ASB7: variants seen among roughly 807,000 people sequenced by gnomAD.
ASB7 encodes the protein ankyrin repeat and SOCS box containing 7.
Under a neutral mutation model 32.5 loss-of-function variants are expected in ASB7, and 4 were observed. The observed-to-expected ratio is 0.12, with a 90% confidence interval of 0.06 to 0.28. The LOEUF is 0.28. ASB7 is among the 10% of genes least tolerant of loss of function. ASB7 has a pLI of 1.00. For missense variants in ASB7, 181 were observed against 407.1 expected (o/e 0.44, Z 4.78); for synonymous variants, 172 against 155.6 (o/e 1.11, Z -0.78).
intron 2 of ASB7, among the ~76,000 whole-genome samples, chr15:100,606,934 C>T (rs554529659): frequency 6.6e-6 from 1 of 152,234 alleles, no homozygotes; most frequent in Non-Finnish European, 1.5e-5. Context: ...GCGGGCGGAT[C>T]ACAAGGTCAA....
At chr15:100,637,836 T>C (rs1341973513) in intron 5 of ASB7, among the ~76,000 whole-genome samples, 1 of 152,198 alleles carries the variant, frequency 6.6e-6, no homozygotes, top group Non-Finnish European at 1.5e-5. Context: ...ACAGATGAAA[T>C]GCAGAAGCAG....
intron 5 of ASB7, among the ~76,000 whole-genome samples, chr15:100,634,347 A>G (rs2039906667): frequency 6.6e-6 from 1 of 152,264 alleles, no homozygotes; most frequent in South Asian, 2.1e-4. Context: ...GTGAGGCTTT[A>G]ATGATCGGCA....
intron 4 of ASB7, among the ~76,000 whole-genome samples, chr15:100,626,557 G>A (rs889340189): frequency 6.6e-6 from 1 of 152,072 alleles, no homozygotes; most frequent in African/African-American, 2.4e-5. Flanking sequence ...TTTCACATAC[G>A]ACCCAGCAAG....
chr15:100,617,448 T>G (rs2039753314), intron 4 of ASB7, among the ~76,000 whole-genome samples: 1 of 152,194 alleles, frequency 6.6e-6, no homozygotes, highest in South Asian at 2.1e-4. Context: ...TGGGACCCTC[T>G]TGGGTCACGC....
At chr15:100,634,690 G>A (rs1319800993) in intron 5 of ASB7, among the ~76,000 whole-genome samples, 1 of 152,112 alleles carries the variant, frequency 6.6e-6, no homozygotes, top group Non-Finnish European at 1.5e-5. Flanking sequence ...TATTGTCCCC[G>A]CTACTCACGA....
intron 2 of ASB7, among the ~76,000 whole-genome samples, chr15:100,608,925 A>T (rs566730372): frequency 6.6e-6 from 1 of 152,262 alleles, no homozygotes; most frequent in African/African-American, 2.4e-5. Context: ...TTCTTGTCTG[A>T]AGGTTTAAGT....
Position 100,648,637 on chromosome 15 carries a change from T to TTA in ASB7, c.*186_*187dup, listed in dbSNP as rs1160019723. 10 of 499,866 alleles carry TTA rather than the reference T, an allele frequency of 2.0e-5. No individual in the cohort carries two copies. Among genetic ancestry groups the TTA allele is most frequent in the Non-Finnish European group, 2.1e-5 (6 of 288,018 alleles). 31.0% of individuals were successfully genotyped at this position (499,866 alleles called of 1,614,324 possible). On this transcript the variant is annotated 3_prime_UTR_variant, in exon 6 of 6. Transcript: ENST00000332783. ...GTTTTCATTGTAGGGGAGGGATTTT[T>TTA]TATATATATATAAAAACACACACCA...
At position 100,629,687 on chromosome 15, in the gene ASB7, T is replaced by G; in HGVS notation, c.462T>G (p.Leu154=). 1 of 1,614,240 alleles carries G rather than the reference T, an allele frequency of 6.2e-7. No homozygotes were observed. The highest frequency in any genetic ancestry group is 8.5e-7 in the Non-Finnish European group (1 of 1,180,042). The change falls in exon 5 of 6, where the codon CTT becomes CTG. Residue 154 remains leucine, a synonymous_variant. Transcript: ENST00000332783. The surrounding 1 kb of genome is among the most constrained non-coding windows in gnomAD (Gnocchi z 6.8). ...TCAGTGATAAAGGTACCACACCGCT[T>G]CAGCTCGCCATTATCCGAGAGAGGT... ...DPLSDKGTTP[L]QLAIIRERSS...
At chr15:100,619,466 G>T (rs2039772664) in intron 4 of ASB7, among the ~76,000 whole-genome samples, 1 of 152,204 alleles carries the variant, frequency 6.6e-6, no homozygotes, top group Non-Finnish European at 1.5e-5. Flanking sequence ...TGGGATATGA[G>T]GTGAGAGTGA....
intron 4 of ASB7, among the ~76,000 whole-genome samples, chr15:100,624,443 C>A (rs2039820321): frequency 1.3e-5 from 2 of 152,048 alleles, no homozygotes; most frequent in South Asian, 4.1e-4. Context: ...ATATCACATA[C>A]CAATAAAAAA....
intron 2 of ASB7, among the ~76,000 whole-genome samples, chr15:100,605,389 T>G (rs1011144592): frequency 1.3e-5 from 2 of 152,242 alleles, no homozygotes; most frequent in Non-Finnish European, 2.9e-5. Flanking sequence ...AAATATAGAT[T>G]TATAATCACG....
chr15:100,621,123 G>A (rs2039788139), intron 4 of ASB7, among the ~76,000 whole-genome samples: 2 of 152,184 alleles, frequency 1.3e-5, no homozygotes, highest in South Asian at 4.1e-4. Context: ...AGTACATTTG[G>A]AAAGCAGTTT....
chr15:100,621,965 A>G (rs1396731712), intron 4 of ASB7, among the ~76,000 whole-genome samples: 4 of 152,062 alleles, frequency 2.6e-5, no homozygotes, highest in African/African-American at 4.8e-5. Context: ...AGCAAGAGAA[A>G]GGAATAAAAG....
intron 4 of ASB7, among the ~76,000 whole-genome samples, chr15:100,614,089 G>A (rs978833596): frequency 2.0e-5 from 3 of 152,038 alleles, no homozygotes; most frequent in Non-Finnish European, 2.9e-5. Flanking sequence ...CTTGGCCAAC[G>A]TGGCGAAACC....
rs146000422 is a variant in ASB7 at position 100,642,071 on chromosome 15, CT to C, written c.818-6249del. ...CAGGAGGTACACATGGTCAAGAAAC[CT>C]TTAAAAGGTCAGATTCTCCCAACAA... On this transcript the variant is annotated intron_variant, in intron 5 of 5. Transcript: ENST00000332783. Among the ~76,000 whole-genome samples, 633 of 152,252 alleles carry C rather than the reference CT, an allele frequency of 4.2e-3. 3 individuals are homozygous for C. The highest frequency in any genetic ancestry group is 0.015 in the African/African-American group (615 of 41,550).
intron 5 of ASB7, among the ~76,000 whole-genome samples, chr15:100,635,005 T>C (rs974774649): frequency 1.3e-5 from 2 of 152,184 alleles, no homozygotes; most frequent in East Asian, 1.9e-4. Flanking sequence ...CATACTGTGC[T>C]TTCTACCTGG....
chr15:100,610,137 G>T (rs1214129372), intron 3 of ASB7, among the ~76,000 whole-genome samples: 1 of 152,178 alleles, frequency 6.6e-6, no homozygotes, highest in African/African-American at 2.4e-5. Flanking sequence ...ATTCTGAAAG[G>T]ATTCTCATTT....
chr15:100,647,940 C>T (rs193297184), intron 5 of ASB7, among the ~76,000 whole-genome samples: 3 of 152,148 alleles, frequency 2.0e-5, no homozygotes, highest in South Asian at 2.1e-4. Context: ...GCTCACCCAG[C>T]GTGAGAGAGA....
chr15:100,640,469 G>A (rs2039954071), intron 5 of ASB7, among the ~76,000 whole-genome samples: 1 of 152,080 alleles, frequency 6.6e-6, no homozygotes, highest in Non-Finnish European at 1.5e-5. Flanking sequence ...AAAATGGGAA[G>A]CTGAAATAAA....
Sources: gnomAD v4.1 joint callset for allele counts (sites outside exome capture counted in the v4.1 genomes callset) on GRCh38, gnomAD v4.1.1 for gene constraint, Gnocchi (gnomAD v3.1) non-coding constraint, MANE v1.5 for transcripts, NCBI Gene and HGNC (gene_info 2026-07-23, HGNC 2026-07-21) for gene names.